The following RHOBTB2 variants were observed in gnomAD, a reference collection of about 807,000 sequenced individuals.
RHOBTB2 encodes Rho related BTB domain containing 2.
A neutral mutation model predicts 66.5 loss-of-function variants in RHOBTB2; 39 were observed. That is an observed-to-expected ratio of 0.59 (90% CI 0.45 to 0.77). RHOBTB2 has a LOEUF of 0.77. Among genes scored for constraint, RHOBTB2 ranks in the 30% least tolerant of loss-of-function variants. RHOBTB2 has a pLI of 0.00. For synonymous variants in RHOBTB2, 390 were observed against 395.0 expected (o/e 0.99, Z 0.15); for missense variants, 755 against 999.1 (o/e 0.76, Z 3.29).
At chr8:22,994,690 C>A, upstream of RHOBTB2, 1 of 1,441,052 alleles carries the variant, frequency 6.9e-7, no homozygotes, top group South Asian at 1.2e-5. Flanking sequence ...TTGATTCATC[C>A]ATCGAGCATT....
In RHOBTB2 at chr8:23,017,335, G is replaced by A; in HGVS notation, c.2050G>A (p.Glu684Lys). Reference sequence around the variant, plus strand: ...AGATCATTACCAGCGGGCACGGAAGGAGCGTGAGAAGGAGGACTACCTCCA... The same window carrying A: ...AGATCATTACCAGCGGGCACGGAAGAAGCGTGAGAAGGAGGACTACCTCCA... ...EEDHYQRARK[E>K]REKEDYLHLK... The change falls in exon 10 of 10, where the codon GAG becomes AAG. Residue 684 changes from glutamate to lysine, a missense_variant. Physicochemically the swap from Glu to Lys is moderately conservative, Grantham distance 56. Around this residue, in one of 7 missense-constraint regions of RHOBTB2, gnomAD observed 353 missense variants for 458.2 expected, o/e 0.77. Transcript: ENST00000251822. This position sits in a 1 kb window ranked among gnomAD's most constrained non-coding sequence, Gnocchi z 5.3. The A allele has an allele frequency of 6.2e-7, 1 of 1,614,230 alleles. No individual in the cohort carries two copies. Among genetic ancestry groups the A allele is most frequent in the South Asian group, 1.1e-5 (1 of 91,084 alleles).
At chr8:23,011,213 C>T (rs1811137682) in intron 7 of RHOBTB2, among the ~76,000 whole-genome samples, 3 of 152,188 alleles carry the variant, frequency 2.0e-5, no homozygotes, top group African/African-American at 7.2e-5. Flanking sequence ...GAGTTTGCAC[C>T]ACTGCACTCC....
At chr8:22,966,527 G>A in the RHOBTB2 span, among the ~76,000 whole-genome samples, 12 of 151,474 alleles carry the variant, frequency 7.9e-5, no homozygotes, top group Non-Finnish European at 1.8e-4. Context: ...GCTCATGCCC[G>A]TAATCCCAGC....
At chr8:22,972,970 C>A in the RHOBTB2 span, among the ~76,000 whole-genome samples, 1 of 152,220 alleles carries the variant, frequency 6.6e-6, no homozygotes, top group East Asian at 1.9e-4. Flanking sequence ...TCCACCAGGC[C>A]CCTGCGCCTT....
rs750353391 is a variant in RHOBTB2, at chr8:23,007,486, T to C, written c.1241T>C (p.Val414Ala). The change falls in exon 5 of 10, where the codon GTG (valine) becomes GCG (alanine). Residue 414 changes from valine to alanine, a missense_variant. By Grantham distance (64) the Val-to-Ala change is moderately conservative. Coordinates refer to ENST00000251822, the MANE Select transcript of RHOBTB2 (RefSeq NM_015178.3). The stretch of plus-strand genomic sequence containing the variant: ...ACCTACAAATCCCGGCTGATGGTGG[T>C]GGTGAAGATGGACAGTTCCATCCAG... ...PLTYKSRLMV[V>A]VKMDSSIQPG... The C allele has an allele frequency of 8.1e-6, 13 of 1,613,984 alleles. No homozygotes were observed. In the African/African-American group the frequency reaches 1.7e-4, roughly 22 times the overall value.
At chr8:23,005,784 C>T (rs115896239) in intron 3 of RHOBTB2, among the ~76,000 whole-genome samples, 176 bp from the exon 4 acceptor site, 319 of 152,284 alleles carry the variant, frequency 2.1e-3, no homozygotes, top group African/African-American at 7.4e-3. Context: ...AAGTCTTGAG[C>T]TCTAAAGTGG....
chr8:23,015,595 C>A, intron 8 of RHOBTB2, 43 bp from the exon 9 acceptor site: 1 of 1,410,860 alleles, frequency 7.1e-7, no homozygotes, highest in Non-Finnish European at 1.0e-6. Context: ...AGACCCTCTC[C>A]CCTGGGGATT....
intron 3 of RHOBTB2, 118 bp from the exon 4 acceptor site, chr8:23,005,842 G>C: frequency 1.1e-6 from 1 of 871,302 alleles, no homozygotes; most frequent in South Asian, 1.6e-5. Flanking sequence ...TCAAGAGCAC[G>C]TGAGCAGATA....
At chr8:22,999,376 G>C (rs958995563), upstream of RHOBTB2, among the ~76,000 whole-genome samples, 1 of 152,066 alleles carries the variant, frequency 6.6e-6, no homozygotes, top group Admixed American at 6.5e-5. Context: ...ACCCAGACCC[G>C]CGAGCCGAGA....
upstream of RHOBTB2, among the ~76,000 whole-genome samples, chr8:22,999,390 T>C (rs955110484): frequency 6.7e-6 from 1 of 148,940 alleles, no homozygotes; most frequent in East Asian, 2.0e-4. Context: ...GCCGAGACCC[T>C]CCCCGCGGCG....
upstream of RHOBTB2, among the ~76,000 whole-genome samples, chr8:22,985,906 T>TCAG (rs569050902): frequency 3.0e-3 from 455 of 152,082 alleles, 1 homozygote; most frequent in African/African-American, 0.01. Flanking sequence ...CCCACAGGAG[T>TCAG]CAGCCCAGCA....
chr8:22,972,762 C>T, the RHOBTB2 span, among the ~76,000 whole-genome samples: 4 of 152,298 alleles, frequency 2.6e-5, no homozygotes, highest in South Asian at 8.3e-4. Context: ...GACCTGCTCC[C>T]CTGGCTGCTG....
chr8:23,015,146 A>C (rs1233071793), intron 8 of RHOBTB2, among the ~76,000 whole-genome samples: 2 of 152,178 alleles, frequency 1.3e-5, no homozygotes, highest in African/African-American at 4.8e-5. Flanking sequence ...AAACAAGCCA[A>C]ATCTCCCACA....
chr8:23,007,435 A>T lies in RHOBTB2; in HGVS notation c.1190A>T (p.Gln397Leu). ...TGGAGCCGAGCTTTTGTGAGCATCCAGGAAGAGATGGCAGAAGATCCTCTC... is the reference window on the plus strand; with the variant it reads ...TGGAGCCGAGCTTTTGTGAGCATCCTGGAAGAGATGGCAGAAGATCCTCTC... ...SSWSRAFVSI[Q>L]EEMAEDPLTY... The change falls in exon 5 of 10, where the codon CAG becomes CTG. Residue 397 changes from glutamine to leucine, a missense_variant. Physicochemically the swap from Gln to Leu is moderately radical, Grantham distance 113. This residue lies in a region of RHOBTB2 where 353 missense variants were observed against 458.2 expected (regional missense o/e 0.77). Coordinates refer to ENST00000251822, the MANE Select transcript of RHOBTB2 (RefSeq NM_015178.3). 6.2e-7 allele frequency: 1 copy of T among 1,614,188 alleles called. No individual in the cohort carries two copies. The highest frequency in any genetic ancestry group is 1.1e-5 in the South Asian group (1 of 91,082).
intron 1 of RHOBTB2, among the ~76,000 whole-genome samples, chr8:23,001,652 C>T (rs146405232): frequency 1.1e-4 from 17 of 152,198 alleles, no homozygotes; most frequent in Non-Finnish European, 1.9e-4. Flanking sequence ...AAATTAACCA[C>T]GGTTCAGGAG....
chr8:23,011,685 G>A (rs1213032680), intron 7 of RHOBTB2, among the ~76,000 whole-genome samples: 1 of 152,212 alleles, frequency 6.6e-6, no homozygotes. Flanking sequence ...GACCCAGGCA[G>A]GCAGACGGCT....
In RHOBTB2 at chr8:22,999,839, G is replaced by A. The variant is rs548781407; in HGVS notation, c.-277G>A. 1.3e-5 allele frequency: 13 copies of A among 984,490 alleles called. No individual in the cohort carries two copies. Among genetic ancestry groups the A allele is most frequent in the South Asian group, 9.4e-5 (2 of 21,288 alleles). 61.0% of individuals were successfully genotyped at this position (984,490 alleles called of 1,614,324 possible). A position where few individuals can be genotyped will look rare whatever the true frequency, so the allele number is the denominator to read the frequency against. On this transcript the variant is annotated 5_prime_UTR_variant, in exon 1 of 10. Coordinates refer to ENST00000251822, the MANE Select transcript of RHOBTB2 (RefSeq NM_015178.3). ...CCGTGACATTGGGCGCCTGGCGCGC[G>A]GGGCGATGCTGATCCGGAAGGGGCA...
In RHOBTB2 at chr8:23,007,493, G is replaced by A. The variant is rs1295313308; in HGVS notation, c.1248G>A (p.Lys416=). 5 of 1,614,066 alleles carry A rather than the reference G, an allele frequency of 3.1e-6. No homozygotes were observed. Among genetic ancestry groups the A allele is most frequent in the Non-Finnish European group, 2.5e-6 (3 of 1,180,018 alleles). ...TYKSRLMVVV[K]MDSSIQPGPF... ...AATCCCGGCTGATGGTGGTGGTGAA[G>A]ATGGACAGTTCCATCCAGCCGGGGC... The change falls in exon 5 of 10, where the codon AAG becomes AAA. Residue 416 remains lysine (K), a synonymous_variant. Coordinates refer to ENST00000251822, the MANE Select transcript of RHOBTB2 (RefSeq NM_015178.3).
intron 2 of RHOBTB2, chr8:22,994,524 C>A: frequency 7.5e-7 from 1 of 1,327,506 alleles, no homozygotes; most frequent in Non-Finnish European, 1.1e-6. Context: ...TCTGTCTCCC[C>A]TGCCCCGCCC....
Sources: allele counts gnomAD v4.1 joint callset (sites outside exome capture counted in the v4.1 genomes callset), GRCh38; gene constraint gnomAD v4.1.1; regional missense constraint gnomAD v4.1.1; non-coding constraint Gnocchi (gnomAD v3.1); transcripts MANE v1.5; gene names NCBI Gene and HGNC (gene_info 2026-07-23, HGNC 2026-07-21).